Variants in XKR4 observed in about 807,000 individuals in gnomAD.
The protein encoded by XKR4 is XK related 4, also known as XK-related protein 4.
In XKR4, 12 loss-of-function variants were observed where a neutral mutation model predicts 53.9. That is an observed-to-expected ratio of 0.22 (90% confidence interval 0.14 to 0.36). The LOEUF (loss-of-function observed/expected upper bound fraction) is 0.36, where lower values mean the gene tolerates loss of function less well. Among genes scored for constraint, XKR4 ranks in the 10% least tolerant of loss-of-function variants. XKR4 has a pLI of 1.00. For missense variants in XKR4, 799 were observed against 859.5 expected, an observed-to-expected ratio of 0.93 and a Z score of 0.88; for synonymous variants, 354 against 362.4, an observed-to-expected ratio of 0.98 and a Z score of 0.26.
intron 2 of XKR4, among the ~76,000 whole-genome samples, chr8:55,413,076 C>T (rs1477128705): frequency 6.6e-6 from 1 of 152,210 alleles, no homozygotes; most frequent in Non-Finnish European, 1.5e-5. Context: ...TTATTGACAT[C>T]CTTCTTGTGT....
chr8:55,360,145 T>C (rs142261515), intron 2 of XKR4, among the ~76,000 whole-genome samples: 290 of 152,320 alleles, frequency 1.9e-3, no homozygotes, highest in African/African-American at 6.4e-3. Context: ...GCCCACTATG[T>C]TGATCTTATT....
At chr8:55,130,110 A>G (rs1241954282) in intron 1 of XKR4, among the ~76,000 whole-genome samples, 1 of 152,232 alleles carries the variant, frequency 6.6e-6, no homozygotes, top group African/African-American at 2.4e-5. Context: ...TTTCAGCTCC[A>G]ATCAGCTGTT....
At chr8:55,502,992 C>T (rs2129403685) in intron 2 of XKR4, among the ~76,000 whole-genome samples, 1 of 152,210 alleles carries the variant, frequency 6.6e-6, no homozygotes, top group South Asian at 2.1e-4. Context: ...GCAATCTTGT[C>T]AAAAATCGTT....
intron 2 of XKR4, among the ~76,000 whole-genome samples, chr8:55,381,208 C>A (rs370249427): frequency 2.0e-5 from 3 of 152,208 alleles, no homozygotes; most frequent in South Asian, 4.1e-4. Flanking sequence ...TATTTCAGAT[C>A]TTAGCTTTTA....
intron 2 of XKR4, among the ~76,000 whole-genome samples, chr8:55,505,495 G>A (rs1457450514): frequency 6.6e-6 from 1 of 152,096 alleles, no homozygotes; most frequent in Non-Finnish European, 1.5e-5. Context: ...AGGTTGCAGT[G>A]AGCTATGATT....
chr8:55,156,212 G>A (rs1816904240), intron 1 of XKR4, among the ~76,000 whole-genome samples: 1 of 151,922 alleles, frequency 6.6e-6, no homozygotes, highest in Admixed American at 6.6e-5. Flanking sequence ...TGTATTTGGT[G>A]GGGGGCGGGG....
intron 2 of XKR4, among the ~76,000 whole-genome samples, chr8:55,473,343 C>A (rs1805918558): frequency 6.6e-6 from 1 of 152,088 alleles, no homozygotes; most frequent in Non-Finnish European, 1.5e-5. Context: ...TTCTCCCCTC[C>A]TAAGTCACAA....
intron 1 of XKR4, among the ~76,000 whole-genome samples, chr8:55,112,562 GTTTTT>G (rs761779642): frequency 2.7e-3 from 208 of 77,218 alleles, no homozygotes; most frequent in African/African-American, 0.01. Context: ...TACTTTTCAG[GTTTTT>G]TTTTTTTTTT....
intron 1 of XKR4, among the ~76,000 whole-genome samples, chr8:55,264,346 C>A (rs1323506326): frequency 2.0e-5 from 3 of 152,336 alleles, no homozygotes; most frequent in South Asian, 2.1e-4. Context: ...ATAATACACA[C>A]TCCATGAGAA....
Position 55,103,093 on chromosome 8 carries a change from C to T in XKR4, c.605C>T (p.Ala202Val). The T allele has an allele frequency of 1.2e-6, 2 of 1,613,120 alleles. No individual in the cohort carries two copies. The highest frequency in any genetic ancestry group is 1.7e-6 in the Non-Finnish European group (2 of 1,179,864). ...CKTVVGGGSA[A>V]GEGEARPSTP... ...ACGGTGGTCGGCGGTGGGTCTGCAGCCGGGGAAGGCGAGGCTCGTCCTTCC... is the reference window on the plus strand; with the variant it reads ...ACGGTGGTCGGCGGTGGGTCTGCAGTCGGGGAAGGCGAGGCTCGTCCTTCC... The change falls in exon 1 of 3, where the codon GCC becomes GTC. Residue 202 changes from alanine (A) to valine (V), a missense_variant. Coordinates refer to ENST00000327381, the MANE Select transcript of XKR4 (RefSeq NM_052898.2).
chr8:55,342,144 T>C (rs1480893722), intron 1 of XKR4, among the ~76,000 whole-genome samples: 1 of 147,182 alleles, frequency 6.8e-6, no homozygotes, highest in Admixed American at 6.7e-5. Flanking sequence ...CAACTCTATC[T>C]TTCCAGGAGC....
chr8:55,123,682 C>T (rs2129352230), intron 1 of XKR4, among the ~76,000 whole-genome samples: 2 of 152,358 alleles, frequency 1.3e-5, no homozygotes, highest in African/African-American at 4.8e-5. Flanking sequence ...ACTGCTCCTT[C>T]TCAGAAGCAG....
intron 1 of XKR4, among the ~76,000 whole-genome samples, chr8:55,308,379 G>A (rs900361545): frequency 6.6e-6 from 1 of 152,200 alleles, no homozygotes; most frequent in Non-Finnish European, 1.5e-5. Context: ...TACAATCATG[G>A]TGGAAGGCAA....
intron 1 of XKR4, among the ~76,000 whole-genome samples, chr8:55,268,908 G>A (rs1020316382): frequency 6.6e-6 from 1 of 152,140 alleles, no homozygotes; most frequent in Non-Finnish European, 1.5e-5. Context: ...GTTCTAAATA[G>A]ACTTCTACAT....
At chr8:55,280,830 G>A (rs576797940) in intron 1 of XKR4, among the ~76,000 whole-genome samples, 15 of 152,214 alleles carry the variant, frequency 9.9e-5, no homozygotes, top group East Asian at 7.7e-4. Flanking sequence ...CATTCTATAC[G>A]TTAAAATACT....
At chr8:55,191,981 ATT>A (rs1263996077) in intron 1 of XKR4, among the ~76,000 whole-genome samples, 1 of 151,466 alleles carries the variant, frequency 6.6e-6, no homozygotes, top group Non-Finnish European at 1.5e-5. Flanking sequence ...CAGATGTATA[ATT>A]TATTAACTTT....
At chr8:55,461,340 C>T (rs1057333911) in intron 2 of XKR4, among the ~76,000 whole-genome samples, 3 of 152,336 alleles carry the variant, frequency 2.0e-5, no homozygotes, top group Non-Finnish European at 2.9e-5. Flanking sequence ...CTGCAGCCTT[C>T]GCTGCTGATA....
At chr8:55,473,485 T>C (rs2975959) in intron 2 of XKR4, among the ~76,000 whole-genome samples, 62,635 of 152,024 alleles carry the variant, frequency 0.41, 13,529 homozygotes, top group East Asian at 0.53. Flanking sequence ...ACATAGATAT[T>C]CAGCTGCTAA....
Position 55,532,250 on chromosome 8 carries a change from A to G in XKR4, c.*8023A>G, listed in dbSNP as rs552895522. On this transcript the variant is annotated 3_prime_UTR_variant, in exon 3 of 3. Coordinates refer to ENST00000327381, the MANE Select transcript of XKR4 (RefSeq NM_052898.2). ...GACCTAATAAATGTTACAAGGTACCATGATCTCTAGGTTCATGCCACCATT... is the reference window on the plus strand; with the variant it reads ...GACCTAATAAATGTTACAAGGTACCGTGATCTCTAGGTTCATGCCACCATT... 1.3e-4 allele frequency: 20 copies of G among 152,326 alleles called. No homozygotes were observed. The highest frequency in any genetic ancestry group is 4.3e-4 in the African/African-American group (18 of 41,564). The allele number at this position is 152,326 out of a possible 1,614,324, so 9.4% of individuals were successfully genotyped here.
Sources: allele counts gnomAD v4.1 joint callset (sites outside exome capture counted in the v4.1 genomes callset), GRCh38; gene constraint gnomAD v4.1.1; transcripts MANE v1.5; gene names NCBI Gene and HGNC (gene_info 2026-07-23, HGNC 2026-07-21).